Variants in FAM83B observed in about 807,000 individuals in gnomAD.
FAM83B encodes the protein scaffolding CK1 anchoring protein B, also known as protein FAM83B.
In FAM83B, 26 loss-of-function variants were observed where a neutral mutation model predicts 38.8. The ratio of observed to expected loss-of-function variants is 0.67; its 90% CI spans 0.49 to 0.93. The LOEUF (loss-of-function observed/expected upper bound fraction) is 0.93. Ranked by LOEUF, FAM83B falls within the 40% of genes least tolerant of loss-of-function variation. The pLI is 0.00. For missense variants in FAM83B, 1,237 were observed against 1,197.3 expected (o/e 1.03, Z -0.49); for synonymous variants, 419 against 423.1 (o/e 0.99, Z 0.12).
intron 2 of FAM83B, among the ~76,000 whole-genome samples, chr6:54,890,991 C>T (rs900051297): frequency 2.0e-5 from 3 of 151,892 alleles, no homozygotes; most frequent in South Asian, 2.1e-4. Context: ...GAGCCTCCTG[C>T]GATTCCATTT....
intron 4 of FAM83B, among the ~76,000 whole-genome samples, chr6:54,934,023 G>A (rs1343563532): frequency 2.6e-5 from 4 of 152,134 alleles, no homozygotes; most frequent in South Asian, 2.1e-4. Context: ...GGAATATAAT[G>A]TTCTGGGTGC....
At chr6:54,888,017 G>GTT (rs60392038) in intron 2 of FAM83B, among the ~76,000 whole-genome samples, 96 of 125,278 alleles carry the variant, frequency 7.7e-4, no homozygotes, top group African/African-American at 2.4e-3. Flanking sequence ...TCCTTTTTTT[G>GTT]TTTTTTTTTT....
intron 1 of FAM83B, among the ~76,000 whole-genome samples, chr6:54,849,540 G>A (rs768507889): frequency 2.0e-5 from 3 of 151,836 alleles, no homozygotes; most frequent in Admixed American, 6.6e-5. Flanking sequence ...GGGGGCAAAG[G>A]ATGTTTTCAG....
chr6:54,938,147 C>T (rs954944088), intron 4 of FAM83B, among the ~76,000 whole-genome samples: 1 of 152,094 alleles, frequency 6.6e-6, no homozygotes, highest in African/African-American at 2.4e-5. Context: ...TGAGTTACTT[C>T]ACTTAGAATA....
chr6:54,890,558 T>C (rs1259163446), intron 2 of FAM83B, among the ~76,000 whole-genome samples: 1 of 152,080 alleles, frequency 6.6e-6, no homozygotes, highest in Non-Finnish European at 1.5e-5. Flanking sequence ...TATTTTAACA[T>C]AATAGTACAG....
chr6:54,931,484 CTTATAATTG>C (rs143519818), intron 4 of FAM83B, among the ~76,000 whole-genome samples: 8,253 of 152,138 alleles, frequency 0.054, 748 homozygotes, highest in African/African-American at 0.19. Context: ...TGCACAAATA[CTTATAATTG>C]TTATAATTGT....
At chr6:54,912,829 A>G (rs1772942112) in intron 2 of FAM83B, among the ~76,000 whole-genome samples, 1 of 152,008 alleles carries the variant, frequency 6.6e-6, no homozygotes, top group African/African-American at 2.4e-5. Context: ...TACGGAAGCT[A>G]TTGGTGTGAA....
chr6:54,903,308 A>G (rs966987021), intron 2 of FAM83B, among the ~76,000 whole-genome samples: 2 of 152,216 alleles, frequency 1.3e-5, no homozygotes, highest in East Asian at 1.9e-4. Context: ...TTCCTTTAGG[A>G]TAAGTCCAAA....
At chr6:54,938,459 G>GT (rs1249936261) in intron 4 of FAM83B, among the ~76,000 whole-genome samples, 1 of 152,028 alleles carries the variant, frequency 6.6e-6, no homozygotes, top group Non-Finnish European at 1.5e-5. Flanking sequence ...TTCCATAGTG[G>GT]TTTTACTAGT....
At chr6:54,851,009 C>G (rs955296412) in intron 1 of FAM83B, among the ~76,000 whole-genome samples, 2 of 80,350 alleles carry the variant, frequency 2.5e-5, no homozygotes, top group Non-Finnish European at 4.4e-5. Flanking sequence ...CAGAGTGAGA[C>G]TCATCTCAAA....
At position 54,942,952 on chromosome 6, in the gene FAM83B, G is replaced by C. The variant is rs1366884758; in HGVS notation, c.*945G>C. On this transcript the variant is annotated 3_prime_UTR_variant, in exon 5 of 5. Transcript: ENST00000306858. ...GAGTCTCGCTCTGTCACCCAGGCTA[G>C]AGTGCAGTGGCGCAATCTTGGCTCA... Among the ~76,000 whole-genome samples, 1 of 151,244 alleles carries C rather than the reference G, an allele frequency of 6.6e-6. No individual in the cohort carries two copies. The highest frequency in any genetic ancestry group is 1.5e-5 in the Non-Finnish European group (1 of 67,896).
chr6:54,937,131 G>A (rs1026091539), intron 4 of FAM83B, among the ~76,000 whole-genome samples: 2 of 151,298 alleles, frequency 1.3e-5, no homozygotes, highest in Non-Finnish European at 2.9e-5. Context: ...CTTCAATGTG[G>A]AGAGTGTCTC....
At chr6:54,906,683 C>T (rs145201714) in intron 2 of FAM83B, among the ~76,000 whole-genome samples, 51 of 151,890 alleles carry the variant, frequency 3.4e-4, no homozygotes, top group Admixed American at 1.6e-3. Context: ...CATGTCTGGC[C>T]GAGAAAACAA....
At chr6:54,937,287 T>G (rs1185691331) in intron 4 of FAM83B, among the ~76,000 whole-genome samples, 1 of 152,088 alleles carries the variant, frequency 6.6e-6, no homozygotes, top group African/African-American at 2.4e-5. Context: ...ATATGAATTT[T>G]AAAGGTAGCT....
chr6:54,879,500 C>T (rs570917225), intron 2 of FAM83B, among the ~76,000 whole-genome samples: 95 of 152,190 alleles, frequency 6.2e-4, no homozygotes, highest in African/African-American at 1.7e-3. Context: ...GAAGGGGTCA[C>T]GTAGGAGGTC....
intron 2 of FAM83B, among the ~76,000 whole-genome samples, chr6:54,882,975 G>A (rs376277768): frequency 6.6e-5 from 10 of 151,754 alleles, no homozygotes; most frequent in East Asian, 5.8e-4. Context: ...ATGGAGTCTC[G>A]CTCTGTCACC....
chr6:54,904,778 G>T (rs899838598), intron 2 of FAM83B, among the ~76,000 whole-genome samples: 4 of 152,210 alleles, frequency 2.6e-5, no homozygotes, highest in Admixed American at 6.5e-5. Context: ...CTGAATGCAA[G>T]CCAAACTTGG....
chr6:54,940,716 A>G lies in FAM83B; in HGVS notation c.1745A>G (p.Asp582Gly). 5.0e-6 allele frequency: 8 copies of G among 1,614,038 alleles called. No homozygotes were observed. The highest frequency in any genetic ancestry group is 6.8e-6 in the Non-Finnish European group (8 of 1,180,012). ...AGTGAGACACCTAAAGAGGTCCCAG[A>G]CACCCCTACGAATGTACAGCATTTG... ...QGSETPKEVPDTPTNVQHLTD... is the reference protein window; with the variant it reads ...QGSETPKEVPGTPTNVQHLTD... Residue 582 changes from aspartate (D) to glycine (G), a missense_variant, in exon 5 of 5, where the codon GAC becomes GGC. Transcript: ENST00000306858.
intron 4 of FAM83B, among the ~76,000 whole-genome samples, chr6:54,931,308 CTGTACTCT>C (rs1773414795): frequency 1.3e-5 from 2 of 152,090 alleles, no homozygotes; most frequent in Admixed American, 1.3e-4. Flanking sequence ...TGCTGTTGGT[CTGTACTCT>C]TGTTCAAGTT....
Sources: gnomAD v4.1 joint callset for allele counts (sites outside exome capture counted in the v4.1 genomes callset) on GRCh38, gnomAD v4.1.1 for gene constraint, MANE v1.5 for transcripts, NCBI Gene and HGNC (gene_info 2026-07-23, HGNC 2026-07-21) for gene names.